The following OXR1 variants were observed in gnomAD, a reference collection of about 807,000 sequenced individuals.
OXR1 encodes the protein oxidation resistance 1, also known as oxidation resistance protein 1.
Under a neutral mutation model 104.6 loss-of-function variants are expected in OXR1, and 41 were observed. The observed-to-expected ratio is 0.39, with a 90% CI of 0.31 to 0.51. The LOEUF (loss-of-function observed/expected upper bound fraction) is 0.51, where lower values mean the gene tolerates loss of function less well. OXR1 is among the 20% of genes least tolerant of loss of function. The pLI is 0.77. For synonymous variants in OXR1, 348 were observed against 348.4 expected (o/e 1.00, Z 0.01); for missense variants, 955 against 1,031.9 (o/e 0.93, Z 1.02).
At chr8:106,525,725 G>A (rs889043353) in intron 3 of OXR1, among the ~76,000 whole-genome samples, 1 of 152,178 alleles carries the variant, frequency 6.6e-6, no homozygotes, top group Non-Finnish European at 1.5e-5. Context: ...CTTTCCTTCA[G>A]TTGAAATCTC....
At chr8:106,672,322 GAA>G (rs56755421) in intron 3 of OXR1, among the ~76,000 whole-genome samples, 1 of 136,714 alleles carries the variant, frequency 7.3e-6, no homozygotes. Context: ...TACTAAAAAT[GAA>G]AAAAAAAAAA....
At chr8:106,618,864 AT>A (rs35525392) in intron 3 of OXR1, among the ~76,000 whole-genome samples, 7,244 of 147,230 alleles carry the variant, frequency 0.049, 200 homozygotes, top group South Asian at 0.079. Context: ...AAATAGGAGG[AT>A]TTTTTTTTTT....
At chr8:106,340,261 A>G (rs1006810696) in intron 1 of OXR1, among the ~76,000 whole-genome samples, 1 of 152,004 alleles carries the variant, frequency 6.6e-6, no homozygotes, top group African/African-American at 2.4e-5. Flanking sequence ...GGATCATAAT[A>G]ATGACCTGCC....
At chr8:106,593,913 GC>G (rs1232289742) in intron 3 of OXR1, among the ~76,000 whole-genome samples, 1 of 152,184 alleles carries the variant, frequency 6.6e-6, no homozygotes, top group Admixed American at 6.5e-5. Flanking sequence ...ATCCTGCCAA[GC>G]CCCCCTGCAC....
chr8:106,478,319 C>T (rs1439109879), intron 2 of OXR1, among the ~76,000 whole-genome samples: 2 of 151,724 alleles, frequency 1.3e-5, no homozygotes, highest in African/African-American at 4.8e-5. Context: ...ACTGATAAGC[C>T]TTCTAGCCAA....
In OXR1 at chr8:106,713,990, G is replaced by A. The variant is rs1831979123; in HGVS notation, c.1956+5G>A. 1 of 1,555,876 alleles carries A rather than the reference G, an allele frequency of 6.4e-7. No homozygotes were observed. The highest frequency in any genetic ancestry group is 1.4e-5 in the African/African-American group (1 of 70,680). On this transcript the variant is annotated splice_donor_5th_base_variant and intron_variant, in intron 11 of 16. Coordinates refer to ENST00000517566, the MANE Select transcript of OXR1 (RefSeq NM_001198533.2). ...GCAGCAGCCAGAGAATGGGAGGTAAGGAGAAAAATATGAAGATTTTAGTCA... is the reference window on the plus strand; with the variant it reads ...GCAGCAGCCAGAGAATGGGAGGTAAAGAGAAAAATATGAAGATTTTAGTCA...
intron 3 of OXR1, among the ~76,000 whole-genome samples, chr8:106,669,189 C>T (rs1003637926): frequency 2.0e-5 from 3 of 151,488 alleles, no homozygotes; most frequent in Non-Finnish European, 2.9e-5. Flanking sequence ...GGATGTTTCA[C>T]AGAGATCAGA....
rs1331871021 is a variant in OXR1 at position 106,405,171 on chromosome 8, T to C, written c.23+45535T>C. ...ATATATATATATATATATATATATA[T>C]ATATATATATATATATATATATATA... On this transcript the variant is annotated intron_variant, in intron 2 of 16. Coordinates refer to ENST00000517566, the MANE Select transcript of OXR1 (RefSeq NM_001198533.2). 1.2e-3 allele frequency among the ~76,000 whole-genome samples: 46 copies of C among 36,892 alleles called. 1 individual carries two copies. The highest frequency in any genetic ancestry group is 0.01 in the African/African-American group (45 of 4,480). 24.2% of individuals were successfully genotyped at this position (36,892 alleles called of 152,430 possible).
chr8:106,392,204 A>G (rs1421455371), intron 2 of OXR1, among the ~76,000 whole-genome samples: 2 of 152,292 alleles, frequency 1.3e-5, no homozygotes, highest in Admixed American at 1.3e-4. Context: ...TTGCTTAGAA[A>G]GTTTCTTGTA....
chr8:106,480,528 G>A (rs1822050415), intron 2 of OXR1, among the ~76,000 whole-genome samples: 1 of 151,902 alleles, frequency 6.6e-6, no homozygotes, highest in Non-Finnish European at 1.5e-5. Context: ...AACTATAGAA[G>A]TATTTCAGAC....
intron 1 of OXR1, among the ~76,000 whole-genome samples, chr8:106,314,901 A>G (rs78433224): frequency 0.013 from 1,943 of 152,350 alleles, 29 homozygotes; most frequent in South Asian, 0.03. Flanking sequence ...TCAGAATTTT[A>G]TCTCCGTGAT....
At chr8:106,468,036 A>T (rs1821272325) in intron 2 of OXR1, among the ~76,000 whole-genome samples, 1 of 151,846 alleles carries the variant, frequency 6.6e-6, no homozygotes, top group African/African-American at 2.4e-5. Context: ...TTGATCCATT[A>T]GTCTGTGGTG....
At chr8:106,618,291 GCTGTATGGAT>G in intron 3 of OXR1, 1 of 892,490 alleles carries the variant, frequency 1.1e-6, no homozygotes, top group Non-Finnish European at 1.8e-6. Flanking sequence ...GTCCAGATGA[GCTGTATGGAT>G]CTGTGACGAT....
At chr8:106,633,611 C>T (rs930966822) in intron 3 of OXR1, among the ~76,000 whole-genome samples, 5 of 152,156 alleles carry the variant, frequency 3.3e-5, no homozygotes, top group Admixed American at 2.6e-4. Context: ...TGGCCCTGAT[C>T]ATCTGAGCCA....
chr8:106,330,161 A>T (rs1212398745), intron 1 of OXR1, among the ~76,000 whole-genome samples: 1 of 152,186 alleles, frequency 6.6e-6, no homozygotes, highest in African/African-American at 2.4e-5. Context: ...AAAGTTAGTA[A>T]TTCTCTCTTC....
chr8:106,697,322 G>A, intron 7 of OXR1: 2 of 888,574 alleles, frequency 2.3e-6, no homozygotes, highest in Non-Finnish European at 3.5e-6. Context: ...ACAGAAGGGA[G>A]CTTAAGAGCT....
At position 106,469,192 on chromosome 8, in the gene OXR1, G is replaced by A. The variant is rs117171335; in HGVS notation, c.24-49751G>A. ...CATTCGTATTCATACTCTCTTTCTC[G>A]TCCTCTTTCCCTCCCTCCCTTCTTG... is the stretch of plus-strand genomic sequence containing the variant. On this transcript the variant is annotated intron_variant, in intron 2 of 16. Coordinates refer to ENST00000517566, the MANE Select transcript of OXR1 (RefSeq NM_001198533.2). Among the ~76,000 whole-genome samples, 47 of 151,584 alleles carry A rather than the reference G, an allele frequency of 3.1e-4. 2 individuals carry two copies. In the East Asian group the frequency reaches 9.0e-3, roughly 29 times the overall value.
At chr8:106,284,635 G>T (rs952817255) in intron 1 of OXR1, among the ~76,000 whole-genome samples, 3 of 152,060 alleles carry the variant, frequency 2.0e-5, no homozygotes, top group African/African-American at 7.2e-5. Flanking sequence ...TTACAAATAT[G>T]CCTTCACCTC....
intron 1 of OXR1, among the ~76,000 whole-genome samples, chr8:106,326,909 G>T (rs1233979754): frequency 1.3e-5 from 2 of 152,054 alleles, no homozygotes; most frequent in African/African-American, 4.8e-5. Flanking sequence ...TTTGTATTTA[G>T]AAAATAGTGC....
Sources: allele counts gnomAD v4.1 joint callset (sites outside exome capture counted in the v4.1 genomes callset), GRCh38; gene constraint gnomAD v4.1.1; transcripts MANE v1.5; gene names NCBI Gene and HGNC (gene_info 2026-07-23, HGNC 2026-07-21).